The following NSG1 variants were observed in gnomAD, a reference collection of about 807,000 sequenced individuals.
NSG1 encodes the protein neuronal vesicle trafficking-associated protein 1.
Under a neutral mutation model 19.3 loss-of-function variants are expected in NSG1, and 9 were observed. The ratio of observed to expected loss-of-function variants is 0.47; its 90% confidence interval spans 0.28 to 0.81. The LOEUF (loss-of-function observed/expected upper bound fraction) is 0.81. NSG1 is among the 40% of genes least tolerant of loss of function. NSG1 has a pLI of 0.11. For synonymous variants in NSG1, 104 were observed against 107.0 expected (o/e 0.97, Z 0.17); for missense variants, 236 against 242.4 (o/e 0.97, Z 0.18).
rs777334348 is a variant in NSG1 at position 4,417,440 on chromosome 4, A to G, written c.*5A>G. The G allele has an allele frequency of 6.2e-7, 1 of 1,613,908 alleles. No individual in the cohort carries two copies. Among genetic ancestry groups the G allele is most frequent in the African/African-American group, 1.3e-5 (1 of 74,916 alleles). On this transcript the variant is annotated 3_prime_UTR_variant, in exon 5 of 5. Coordinates refer to ENST00000621129, the MANE Select transcript of NSG1 (RefSeq NM_014392.5). ...GCGGCTGAGAAGTCAGCTTAGCGGG[A>G]TGGGCAAGTTCCTTACAATGTGTCA...
At chr4:4,401,521 G>A (rs1256652065) in intron 3 of NSG1, among the ~76,000 whole-genome samples, 2 of 152,094 alleles carry the variant, frequency 1.3e-5, no homozygotes, top group Admixed American at 6.5e-5. Context: ...CTCCTCCCTG[G>A]TAAGCTCCTC....
At chr4:4,387,561 C>CGGGGGGTGGGG in intron 1 of NSG1, 43 bp from the exon 2 acceptor site, 1 of 1,141,992 alleles carries the variant, frequency 8.8e-7, no homozygotes. Context: ...CGCCCCGCCC[C>CGGGGGGTGGGG]GGGTCTTGCT....
chr4:4,399,137 T>A (rs1249037688), intron 3 of NSG1, among the ~76,000 whole-genome samples: 1 of 152,148 alleles, frequency 6.6e-6, no homozygotes, highest in African/African-American at 2.4e-5. Context: ...TCAGTTTGTT[T>A]GTGTTTTTAT....
chr4:4,387,045 G>T (rs1217845144), upstream of NSG1: 2 of 152,094 alleles, frequency 1.3e-5, no homozygotes, highest in Non-Finnish European at 2.9e-5. Context: ...AGGAGGGAGC[G>T]GCCGTGGAGC....
chr4:4,392,640 ATC>A (rs1286156511), intron 3 of NSG1, among the ~76,000 whole-genome samples: 1 of 152,194 alleles, frequency 6.6e-6, no homozygotes, highest in Non-Finnish European at 1.5e-5. Context: ...CCAGGGCGTA[ATC>A]TGACTTTCAG....
At chr4:4,414,223 T>C (rs867316622) in intron 4 of NSG1, among the ~76,000 whole-genome samples, 123 of 145,542 alleles carry the variant, frequency 8.5e-4, no homozygotes, top group Middle Eastern at 3.4e-3. Context: ...GGGTGGGAGA[T>C]GACCCAGGAG....
Position 4,408,360 on chromosome 4 carries a change from C to T in NSG1, c.247-1213C>T, listed in dbSNP as rs374782463. Among the ~76,000 whole-genome samples the T allele has an allele frequency of 3.5e-4, 53 of 152,296 alleles. No individual in the cohort carries two copies. In the East Asian group the frequency reaches 6.6e-3, roughly 19 times the overall value. ...TCATACGATTACGGAGGCCCTGCCA[C>T]GTGCTGGCACCTGGCATCCTCCCAC... is the stretch of plus-strand genomic sequence containing the variant. On this transcript the variant is annotated intron_variant, in intron 3 of 4. Transcript: ENST00000621129.
At chr4:4,399,848 A>G (rs1723454542) in intron 3 of NSG1, among the ~76,000 whole-genome samples, 1 of 152,194 alleles carries the variant, frequency 6.6e-6, no homozygotes, top group Non-Finnish European at 1.5e-5. Flanking sequence ...GGAGAACACA[A>G]CTTGCATGCA....
intron 1 of NSG1, 93 bp from the exon 2 acceptor site, chr4:4,387,511 A>G (rs1722785517): frequency 1.2e-5 from 10 of 818,902 alleles, no homozygotes; most frequent in Non-Finnish European, 1.9e-5. Context: ...GAGCTCGCGG[A>G]CGCCGGGACG....
In NSG1 at chr4:4,409,647, G is replaced by A. The variant is rs752626892; in HGVS notation, c.321G>A (p.Lys107=). 6.2e-7 allele frequency: 1 copy of A among 1,614,170 alleles called. No homozygotes were observed. Among genetic ancestry groups the A allele is most frequent in the South Asian group, 1.1e-5 (1 of 91,080 alleles). The part of the protein sequence containing the change: ...VVFLVVYKVY[K]YDRACPDGFV... Reference sequence around the variant, plus strand: ...TCCTGGTTGTCTACAAGGTGTACAAGTATGACCGCGCCTGCCCCGATGGGT... The same window carrying A: ...TCCTGGTTGTCTACAAGGTGTACAAATATGACCGCGCCTGCCCCGATGGGT... Residue 107 remains lysine, a synonymous_variant, in exon 4 of 5, where the codon AAG becomes AAA. Transcript: ENST00000621129.
chr4:4,391,162 G>C (rs1222863473), intron 2 of NSG1, among the ~76,000 whole-genome samples: 1 of 152,194 alleles, frequency 6.6e-6, no homozygotes, highest in Non-Finnish European at 1.5e-5. Context: ...AGGAGCACTG[G>C]GTTAGGAGTC....
intron 2 of NSG1, among the ~76,000 whole-genome samples, chr4:4,389,337 G>A (rs1354135232): frequency 6.6e-6 from 1 of 152,336 alleles, no homozygotes; most frequent in East Asian, 1.9e-4. Flanking sequence ...CTCTGCAAGC[G>A]TCCGAAGCGG....
chr4:4,391,187 A>G (rs1722970444), intron 2 of NSG1, among the ~76,000 whole-genome samples: 1 of 152,228 alleles, frequency 6.6e-6, no homozygotes, highest in African/African-American at 2.4e-5. Context: ...GCCAGGCTGC[A>G]TCCCCGCCCT....
At chr4:4,386,960 C>T (rs1722747456), upstream of NSG1, 1 of 152,060 alleles carries the variant, frequency 6.6e-6, no homozygotes, top group African/African-American at 2.4e-5. Context: ...AAGGTGGAGG[C>T]GCGGCCACAC....
chr4:4,411,135 C>T (rs58978754), intron 4 of NSG1, among the ~76,000 whole-genome samples: 193 of 152,242 alleles, frequency 1.3e-3, no homozygotes, highest in African/African-American at 4.3e-3. Flanking sequence ...AGATTACAGG[C>T]GTGAGCCACC....
At chr4:4,413,430 G>A in intron 4 of NSG1, among the ~76,000 whole-genome samples, 1 of 151,306 alleles carries the variant, frequency 6.6e-6, no homozygotes, top group East Asian at 2.0e-4. Context: ...CCTAGGCTGG[G>A]GCTGGGAGAG....
At chr4:4,402,744 C>T (rs1465044079) in intron 3 of NSG1, among the ~76,000 whole-genome samples, 9 of 152,168 alleles carry the variant, frequency 5.9e-5, no homozygotes, top group Non-Finnish European at 7.3e-5. Context: ...CCTGCAGGCA[C>T]GGTGGGCCCG....
At chr4:4,388,770 C>G (rs1419385918) in intron 2 of NSG1, among the ~76,000 whole-genome samples, 1 of 152,212 alleles carries the variant, frequency 6.6e-6, no homozygotes, top group East Asian at 1.9e-4. Flanking sequence ...GGTGGGGGCC[C>G]TGACCCCTGT....
intron 4 of NSG1, among the ~76,000 whole-genome samples, chr4:4,410,093 G>C (rs1724092533): frequency 6.6e-6 from 1 of 152,196 alleles, no homozygotes; most frequent in Non-Finnish European, 1.5e-5. Context: ...ACTGGGGGAA[G>C]CCAAGTCCCA....
Sources: allele counts gnomAD v4.1 joint callset (sites outside exome capture counted in the v4.1 genomes callset), GRCh38; gene constraint gnomAD v4.1.1; transcripts MANE v1.5; gene names NCBI Gene and HGNC (gene_info 2026-07-23, HGNC 2026-07-21).